The following SMARCAD1 variants were observed in gnomAD, a reference collection of about 807,000 sequenced individuals.
SMARCAD1 encodes the protein SNF2 related chromatin remodeling ATPase with DExD box 1.
Under a neutral mutation model 127.1 loss-of-function variants are expected in SMARCAD1, and 25 were observed. The ratio of observed to expected loss-of-function variants is 0.20; its 90% CI spans 0.14 to 0.27. SMARCAD1 has a LOEUF of 0.27. Among genes scored for constraint, SMARCAD1 ranks in the 10% least tolerant of loss-of-function variants. The pLI is 1.00. For synonymous variants in SMARCAD1, 400 were observed against 396.9 expected, an observed-to-expected ratio of 1.01 and a Z score of -0.09; for missense variants, 807 against 1,206.0, an observed-to-expected ratio of 0.67 and a Z score of 4.90.
At chr4:94,275,083 A>G (rs1290621776) in intron 14 of SMARCAD1, 118 bp downstream of exon 14, 4 of 779,402 alleles carry the variant, frequency 5.1e-6, no homozygotes, top group Non-Finnish European at 9.0e-6. Flanking sequence ...CGAAAGTAAT[A>G]GAATGACTAA....
chr4:94,212,015 T>C (rs1471821145), intron 2 of SMARCAD1, among the ~76,000 whole-genome samples: 1 of 152,166 alleles, frequency 6.6e-6, no homozygotes, highest in Non-Finnish European at 1.5e-5. Context: ...TTAGAACATA[T>C]GATTCATGAG....
At chr4:94,237,151 GTTTCACTGTT>G in intron 5 of SMARCAD1, 133 bp downstream of exon 5, 1 of 768,156 alleles carries the variant, frequency 1.3e-6, no homozygotes, top group Non-Finnish European at 2.2e-6. Context: ...GGTATTAATA[GTTTCACTGTT>G]TTTCCCTAAA....
intron 11 of SMARCAD1, among the ~76,000 whole-genome samples, chr4:94,271,867 A>G (rs926250742): frequency 6.6e-6 from 1 of 152,218 alleles, no homozygotes; most frequent in African/African-American, 2.4e-5. Flanking sequence ...TGCATTTGCT[A>G]TCAAATGAGG....
At chr4:94,261,672 G>A (rs1290376697) in intron 9 of SMARCAD1, among the ~76,000 whole-genome samples, 3 of 152,124 alleles carry the variant, frequency 2.0e-5, no homozygotes, top group Non-Finnish European at 4.4e-5. Context: ...GAATGCAGTG[G>A]CGTCTTGGCT....
chr4:94,262,907 AGAAAG>A (rs1751223456), intron 9 of SMARCAD1, among the ~76,000 whole-genome samples: 1 of 101,672 alleles, frequency 9.8e-6, no homozygotes, highest in Non-Finnish European at 2.1e-5. Flanking sequence ...AAAAAAAAAA[AGAAAG>A]AAAAGAAATG....
chr4:94,256,156 A>T (rs1486819837), intron 9 of SMARCAD1, among the ~76,000 whole-genome samples: 2 of 152,184 alleles, frequency 1.3e-5, no homozygotes, highest in Admixed American at 1.3e-4. Flanking sequence ...CAGAGTAGTA[A>T]TGTTTTTATG....
intron 19 of SMARCAD1, among the ~76,000 whole-genome samples, chr4:94,279,861 C>T (rs1252049258): frequency 6.6e-6 from 1 of 151,488 alleles, no homozygotes. Flanking sequence ...CATTTTCTTC[C>T]TTTTCTTTAC....
chr4:94,209,873 T>C (rs2125778985), intron 2 of SMARCAD1, among the ~76,000 whole-genome samples: 1 of 152,298 alleles, frequency 6.6e-6, no homozygotes. Flanking sequence ...ATTTGTCTGT[T>C]TCCTCTGTAG....
intron 9 of SMARCAD1, 89 bp downstream of exon 9, chr4:94,253,096 A>T: frequency 1.3e-6 from 2 of 1,588,634 alleles, no homozygotes; most frequent in Non-Finnish European, 1.7e-6. Context: ...CAGCCCAGGT[A>T]AGCATAGATG....
chr4:94,224,271 A>T (rs1744659594), intron 2 of SMARCAD1, among the ~76,000 whole-genome samples: 1 of 152,224 alleles, frequency 6.6e-6, no homozygotes, highest in African/African-American at 2.4e-5. Context: ...TGTAGGAAAT[A>T]GAGAAATGTT....
chr4:94,222,846 C>A (rs1490271586), intron 2 of SMARCAD1, among the ~76,000 whole-genome samples: 2 of 152,050 alleles, frequency 1.3e-5, no homozygotes, highest in Non-Finnish European at 2.9e-5. Flanking sequence ...CACCTGTAAT[C>A]CCAGCTACTT....
chr4:94,286,341 A>G (rs141301172), intron 23 of SMARCAD1, among the ~76,000 whole-genome samples: 1 of 152,318 alleles, frequency 6.6e-6, no homozygotes, highest in East Asian at 1.9e-4. Flanking sequence ...TCAGTTTTAT[A>G]CATTTGGAGC....
At chr4:94,274,461 C>T (rs912078413) in intron 12 of SMARCAD1, among the ~76,000 whole-genome samples, 7 of 152,038 alleles carry the variant, frequency 4.6e-5, no homozygotes, top group Non-Finnish European at 8.8e-5. Flanking sequence ...GGACTACAGG[C>T]GCCCGCCACC....
chr4:94,240,787 G>T (rs1747459641), intron 5 of SMARCAD1, 119 bp from the exon 6 acceptor site: 2 of 725,840 alleles, frequency 2.8e-6, no homozygotes, highest in Admixed American at 2.1e-5. Context: ...CAAACACTGG[G>T]CCTGATATCA....
At chr4:94,289,199 C>T (rs769475400) in intron 23 of SMARCAD1, among the ~76,000 whole-genome samples, 3 of 151,950 alleles carry the variant, frequency 2.0e-5, no homozygotes, top group Non-Finnish European at 2.9e-5. Context: ...GAATTAGATA[C>T]GATCCAGTGT....
At chr4:94,215,194 T>C (rs914855458) in intron 2 of SMARCAD1, among the ~76,000 whole-genome samples, 1 of 152,206 alleles carries the variant, frequency 6.6e-6, no homozygotes, top group Non-Finnish European at 1.5e-5. Flanking sequence ...TAGATAGTCA[T>C]TGTGGTTTCT....
At chr4:94,284,615 G>A (rs567458524) in intron 22 of SMARCAD1, among the ~76,000 whole-genome samples, 134 of 149,230 alleles carry the variant, frequency 9.0e-4, no homozygotes, top group Non-Finnish European at 1.7e-3. Flanking sequence ...AGTGGAGACA[G>A]GGTTTTGTCA....
Position 94,210,603 on chromosome 4 carries a change from A to G in SMARCAD1, c.190+2019A>G, listed in dbSNP as rs529868416. Among the ~76,000 whole-genome samples, 3 of 152,260 alleles carry G rather than the reference A, an allele frequency of 2.0e-5. No individual in the cohort carries two copies. In the South Asian group the frequency reaches 6.2e-4, roughly 32 times the overall value. ...AAGAGATATGAGAGGTTTCAAAGTAATGAAGGGCAGGGTTTAGATCCCTGA... is the reference window on the plus strand; with the variant it reads ...AAGAGATATGAGAGGTTTCAAAGTAGTGAAGGGCAGGGTTTAGATCCCTGA... On this transcript the variant is annotated intron_variant, in intron 2 of 23. Transcript: ENST00000354268.
intron 10 of SMARCAD1, among the ~76,000 whole-genome samples, chr4:94,265,454 T>C (rs775943620): frequency 7.2e-5 from 11 of 151,804 alleles, no homozygotes; most frequent in Non-Finnish European, 1.3e-4. Flanking sequence ...ATCATATAAG[T>C]CTACATATTT....
Sources: gnomAD v4.1 joint callset for allele counts (sites outside exome capture counted in the v4.1 genomes callset) on GRCh38, gnomAD v4.1.1 for gene constraint, MANE v1.5 for transcripts, NCBI Gene and HGNC (gene_info 2026-07-23, HGNC 2026-07-21) for gene names.